The following COLEC12 variants were observed in gnomAD, a reference collection of about 807,000 sequenced individuals.
The protein encoded by COLEC12 is collectin-12.
COLEC12 carries 33 observed loss-of-function variants against 71.1 expected under a neutral mutation model. The observed-to-expected ratio is 0.46, with a 90% CI of 0.35 to 0.62. The LOEUF is 0.62. Ranked by LOEUF, COLEC12 falls within the 20% of genes least tolerant of loss-of-function variation. The pLI, the probability that COLEC12 is intolerant of heterozygous loss-of-function variation, is 0.00. For synonymous variants in COLEC12, 350 were observed against 353.0 expected (o/e 0.99, Z 0.10); for missense variants, 765 against 916.1 (o/e 0.84, Z 2.13).
rs1382434202 is a variant in COLEC12 at position 317,626 on chromosome 18, T to C, written c.*2419A>G. On this transcript the variant is annotated 3_prime_UTR_variant, in exon 10 of 10. Coordinates refer to ENST00000400256, the MANE Select transcript of COLEC12 (RefSeq NM_130386.3). ...TAACTTCAGCTGCGAAAGCTAATAC[T>C]AGTCTATCCTGATGACGGCATCAGA... 6.6e-6 allele frequency: 1 copy of C among 152,248 alleles called. No homozygotes were observed. Among genetic ancestry groups the C allele is most frequent in the Non-Finnish European group, 1.5e-5 (1 of 68,048 alleles). The allele number at this position is 152,248 out of a possible 1,614,324, so 9.4% of individuals were successfully genotyped here.
intron 2 of COLEC12, among the ~76,000 whole-genome samples, chr18:414,428 G>A (rs12962503): frequency 0.14 from 21,436 of 151,904 alleles, 2,006 homozygotes; most frequent in East Asian, 0.33. Flanking sequence ...GTGAAACCTC[G>A]ACTCTACTAA....
chr18:412,490 A>G (rs1567900146), intron 2 of COLEC12, among the ~76,000 whole-genome samples: 1 of 129,114 alleles, frequency 7.7e-6, no homozygotes, highest in African/African-American at 3.2e-5. Context: ...AGAAAAAAAA[A>G]AAAGAAAGAA....
At chr18:326,949 C>G (rs1047089748) in intron 8 of COLEC12, among the ~76,000 whole-genome samples, 1 of 152,146 alleles carries the variant, frequency 6.6e-6, no homozygotes, top group African/African-American at 2.4e-5. Context: ...GGAAACCTGC[C>G]TTTTTAAAAC....
rs922446944 is a variant in COLEC12, at chr18:419,721, C to T, written c.58+60986G>A. On this transcript the variant is annotated intron_variant, in intron 2 of 9. Transcript: ENST00000400256. The stretch of plus-strand genomic sequence containing the variant: ...TGAATGTCTGGGATTGTTGATATGT[C>T]ATCTGTGGTAGATAAACAATGACCA... Among the ~76,000 whole-genome samples the T allele has an allele frequency of 1.4e-4, 21 of 152,172 alleles. 1 individual carries two copies. The highest frequency in any genetic ancestry group is 2.6e-4 in the Non-Finnish European group (18 of 68,032).
intron 3 of COLEC12, among the ~76,000 whole-genome samples, chr18:348,696 G>C (rs1914440138): frequency 6.6e-6 from 1 of 152,216 alleles, no homozygotes; most frequent in African/African-American, 2.4e-5. Context: ...TCTGTTATGA[G>C]TTCCACCACA....
At chr18:426,524 A>G (rs568575571) in intron 2 of COLEC12, among the ~76,000 whole-genome samples, 1 of 152,300 alleles carries the variant, frequency 6.6e-6, no homozygotes, top group Admixed American at 6.5e-5. Flanking sequence ...TGCATCTACT[A>G]GGTAAATTCA....
In COLEC12 at chr18:321,657, C is replaced by T. The variant is rs1056548845; in HGVS notation, c.2209+5G>A. On this transcript the variant is annotated splice_donor_5th_base_variant and intron_variant, in intron 9 of 9. Transcript: ENST00000400256. ...GCTCCCTCTTAAATCCCATCTACTGCTCACCTGTCTCCCTGTCTTTTTCGC... is the reference window on the plus strand; with the variant it reads ...GCTCCCTCTTAAATCCCATCTACTGTTCACCTGTCTCCCTGTCTTTTTCGC... 3 of 1,614,194 alleles carry T rather than the reference C, an allele frequency of 1.9e-6. No homozygotes were observed. The highest frequency in any genetic ancestry group is 2.5e-6 in the Non-Finnish European group (3 of 1,180,024).
intron 1 of COLEC12, among the ~76,000 whole-genome samples, chr18:482,443 C>CA (rs1366558735): frequency 6.6e-6 from 1 of 151,596 alleles, no homozygotes; most frequent in African/African-American, 2.4e-5. Flanking sequence ...TAAGAGGTGC[C>CA]AAAGCCAGGC....
At chr18:372,146 C>G (rs1915014619) in intron 2 of COLEC12, among the ~76,000 whole-genome samples, 1 of 152,206 alleles carries the variant, frequency 6.6e-6, no homozygotes, top group Admixed American at 6.5e-5. Context: ...TACGTTTAGA[C>G]AGTGAAAGCC....
At chr18:448,553 C>T (rs570662784) in intron 2 of COLEC12, among the ~76,000 whole-genome samples, 11 of 152,254 alleles carry the variant, frequency 7.2e-5, no homozygotes, top group East Asian at 3.9e-4. Context: ...CCCCCAAGCC[C>T]CTGCCAAACC....
chr18:324,353 C>T (rs1212407463), intron 8 of COLEC12, among the ~76,000 whole-genome samples: 1 of 152,136 alleles, frequency 6.6e-6, no homozygotes, highest in Admixed American at 6.5e-5. Context: ...GGGCTCAAAG[C>T]CCTGAATTCT....
intron 2 of COLEC12, among the ~76,000 whole-genome samples, chr18:403,558 TG>T (rs1342200109): frequency 1.3e-5 from 2 of 152,186 alleles, no homozygotes; most frequent in Admixed American, 6.5e-5. Context: ...GCTGGTGGCT[TG>T]TTTTCCTTTC....
At chr18:329,619 C>T (rs915040544) in intron 8 of COLEC12, among the ~76,000 whole-genome samples, 1 of 152,182 alleles carries the variant, frequency 6.6e-6, no homozygotes, top group Non-Finnish European at 1.5e-5. Flanking sequence ...CCAGGGGGTA[C>T]CCCTTCCTCT....
In COLEC12 at chr18:500,686, G is replaced by A. The variant is rs1917809525; in HGVS notation, c.-172C>T. The A allele has an allele frequency of 3.7e-6, 1 of 273,522 alleles. No individual in the cohort carries two copies. The highest frequency in any genetic ancestry group is 5.7e-6 in the Non-Finnish European group (1 of 176,154). The allele number at this position is 273,522 out of a possible 1,614,324, so 16.9% of individuals were successfully genotyped here. On this transcript the variant is annotated 5_prime_UTR_variant, in exon 1 of 10. Transcript: ENST00000400256. This position sits in a 1 kb window ranked among gnomAD's most constrained non-coding sequence, Gnocchi z 5.3. ...GCCGGCCCGCGCTCCCCGCGCTCCCGGCTCCGCGCTCTGCTGCCTCGGGGC... is the reference window on the plus strand; with the variant it reads ...GCCGGCCCGCGCTCCCCGCGCTCCCAGCTCCGCGCTCTGCTGCCTCGGGGC...
intron 2 of COLEC12, among the ~76,000 whole-genome samples, chr18:419,610 G>A (rs770727544): frequency 5.3e-5 from 8 of 152,224 alleles, no homozygotes; most frequent in Admixed American, 6.5e-5. Context: ...TCTTTATACA[G>A]GAAGAACTCT....
intron 2 of COLEC12, among the ~76,000 whole-genome samples, chr18:412,481 G>GAAA (rs201793548): frequency 3.8e-5 from 4 of 106,538 alleles, no homozygotes; most frequent in African/African-American, 1.3e-4. Flanking sequence ...GCTCTAAACA[G>GAAA]AAAAAAAAAA....
intron 3 of COLEC12, among the ~76,000 whole-genome samples, chr18:351,012 A>G (rs547915352): frequency 1.3e-5 from 2 of 152,162 alleles, no homozygotes; most frequent in African/African-American, 4.8e-5. Context: ...TTATATATCA[A>G]TTATGAGCCA....
At chr18:441,735 G>A (rs773961003) in intron 2 of COLEC12, among the ~76,000 whole-genome samples, 25 of 152,188 alleles carry the variant, frequency 1.6e-4, no homozygotes, top group Non-Finnish European at 2.6e-4. Context: ...GTGGACTCAC[G>A]CCTGTAATCC....
intron 2 of COLEC12, among the ~76,000 whole-genome samples, chr18:374,514 A>G (rs1316388452): frequency 6.6e-6 from 1 of 152,172 alleles, no homozygotes; most frequent in Admixed American, 6.5e-5. Context: ...TGATTTCAGG[A>G]GATCCATGGG....
Sources: gnomAD v4.1 joint callset for allele counts (sites outside exome capture counted in the v4.1 genomes callset) on GRCh38, gnomAD v4.1.1 for gene constraint, Gnocchi (gnomAD v3.1) non-coding constraint, MANE v1.5 for transcripts, NCBI Gene and HGNC (gene_info 2026-07-23, HGNC 2026-07-21) for gene names.